Variants in KCTD1 observed in about 807,000 individuals in gnomAD.
The protein encoded by KCTD1 is BTB/POZ domain-containing protein KCTD1.
Under a neutral mutation model 66.0 loss-of-function variants are expected in KCTD1, and 24 were observed. The ratio of observed to expected loss-of-function variants is 0.36; its 90% CI spans 0.26 to 0.51. The LOEUF (loss-of-function observed/expected upper bound fraction) is 0.51. Among genes scored for constraint, KCTD1 ranks in the 20% least tolerant of loss-of-function variants. The pLI, the probability that KCTD1 is intolerant of heterozygous loss-of-function variation, is 0.95. For synonymous variants in KCTD1, 511 were observed against 517.2 expected (o/e 0.99, Z 0.16); for missense variants, 943 against 1,205.2 (o/e 0.78, Z 3.22).
At chr18:26,593,307 A>AAGGAAGAGGAGG (rs1568003445) in intron 1 of KCTD1, among the ~76,000 whole-genome samples, 1,536 of 89,326 alleles carry the variant, frequency 0.017, 45 homozygotes, top group African/African-American at 0.05. Flanking sequence ...ATATGAGGAG[A>AAGGAAGAGGAGG]AGGAAGAGGA....
At chr18:26,515,964 A>G (rs1368274823) in intron 1 of KCTD1, among the ~76,000 whole-genome samples, 1 of 152,202 alleles carries the variant, frequency 6.6e-6, no homozygotes, top group South Asian at 2.1e-4. Context: ...GACACAGTAT[A>G]TAATGCCAAG....
chr18:26,567,164 C>T (rs1475271108), intron 1 of KCTD1: 1 of 152,238 alleles, frequency 6.6e-6, no homozygotes, highest in Non-Finnish European at 1.5e-5. Context: ...CCATCAATTA[C>T]ATTTTAAAGA....
At position 26,476,829 on chromosome 18, in the gene KCTD1, G is replaced by A. The variant is rs903112122; in HGVS notation, c.1989-170C>T. ...CCCCGCTTGATAAATATCTCAGGAC[G>A]AGACCATTCAAAATAGTCCTAGGCT... On this transcript the variant is annotated intron_variant, in intron 2 of 4. Coordinates refer to ENST00000580059, the MANE Select transcript of KCTD1 (RefSeq NM_001142730.3). This position sits in a 1 kb window ranked among gnomAD's most constrained non-coding sequence, Gnocchi z 4.9. The A allele has an allele frequency of 2.7e-5, 16 of 597,458 alleles. No homozygotes were observed. Among genetic ancestry groups the A allele is most frequent in the Non-Finnish European group, 4.4e-5 (15 of 343,766 alleles). 37.0% of individuals were successfully genotyped at this position (597,458 alleles called of 1,614,324 possible).
intron 1 of KCTD1, among the ~76,000 whole-genome samples, chr18:26,512,855 C>G (rs922303781): frequency 6.6e-6 from 1 of 152,010 alleles, no homozygotes; most frequent in Non-Finnish European, 1.5e-5. Context: ...GTGGTGCATG[C>G]CTGTAGTCCC....
chr18:26,592,557 A>T (rs1189748473), intron 1 of KCTD1, among the ~76,000 whole-genome samples: 1 of 152,094 alleles, frequency 6.6e-6, no homozygotes, highest in Non-Finnish European at 1.5e-5. Flanking sequence ...CGCCTAGTAA[A>T]CCATCACAGT....
At chr18:26,609,647 T>A (rs1598965250) in intron 1 of KCTD1, among the ~76,000 whole-genome samples, 1 of 152,338 alleles carries the variant, frequency 6.6e-6, no homozygotes, top group East Asian at 1.9e-4. Flanking sequence ...TAAAAGCGGG[T>A]AGTTCAGATT....
chr18:26,515,400 G>A (rs780085938), intron 1 of KCTD1, among the ~76,000 whole-genome samples: 3 of 152,090 alleles, frequency 2.0e-5, no homozygotes, highest in African/African-American at 4.8e-5. Flanking sequence ...AAAGTTAGAA[G>A]CAAAATATTC....
In KCTD1 at chr18:26,468,879, C is replaced by T. The variant is rs1490137189; in HGVS notation, c.2133+7636G>A. On this transcript the variant is annotated intron_variant, in intron 3 of 4. Transcript: ENST00000580059. This position sits in a 1 kb window ranked among gnomAD's most constrained non-coding sequence, Gnocchi z 4.8. ...CCAAAAAACCCCAAAAGCCATGTCC[C>T]TCCCAGGTTCAAGAGAAAACTCTGA... is the stretch of plus-strand genomic sequence containing the variant. 6.6e-6 allele frequency among the ~76,000 whole-genome samples: 1 copy of T among 152,166 alleles called. No individual in the cohort carries two copies. Among genetic ancestry groups the T allele is most frequent in the Non-Finnish European group, 1.5e-5 (1 of 68,030 alleles).
At position 26,582,504 on chromosome 18, in the gene KCTD1, T is replaced by C. The variant is rs117972108; in HGVS notation, c.-16+46643A>G. On this transcript the variant is annotated intron_variant, in intron 1 of 4. Transcript: ENST00000317932. Reference sequence around the variant, plus strand: ...CAGTTTGACAATATGTAACCACAATTTAAAGTGCATATACCCTTTGATCTA... The same window carrying C: ...CAGTTTGACAATATGTAACCACAATCTAAAGTGCATATACCCTTTGATCTA... 5.5e-4 allele frequency among the ~76,000 whole-genome samples: 84 copies of C among 152,360 alleles called. No homozygotes were observed. In the East Asian group the frequency reaches 0.016, roughly 29 times the overall value.
At chr18:26,651,916 G>GTGGGTGCAGAACAAGA (rs1568021499) in intron 1 of KCTD1, among the ~76,000 whole-genome samples, 5 of 152,148 alleles carry the variant, frequency 3.3e-5, no homozygotes, top group African/African-American at 9.7e-5. Context: ...GTTACCTAGG[G>GTGGGTGCAGAACAAGA]TGGGTGCAGA....
At chr18:26,647,215 A>T (rs1444017127) in intron 1 of KCTD1, among the ~76,000 whole-genome samples, 4 of 152,098 alleles carry the variant, frequency 2.6e-5, no homozygotes, top group Non-Finnish European at 5.9e-5. Flanking sequence ...GCCACTAAAA[A>T]AGACTGAATT....
chr18:26,547,113 G>A lies in KCTD1; in HGVS notation c.1424C>T (p.Ala475Val). The A allele has an allele frequency of 6.5e-7, 1 of 1,549,510 alleles. No homozygotes were observed. The highest frequency in any genetic ancestry group is 8.7e-7 in the Non-Finnish European group (1 of 1,146,832). ...AGIGTKLGSP[A>V]PQGCYAEALN... ...AGCCTCGGCGTAGCAGCCCTGCGGG[G>A]CGGGCGAGCCCAGCTTGGTGCCAAT... The change falls in exon 1 of 5, where the codon GCC becomes GTC. Residue 475 changes from alanine to valine, a missense_variant. Transcript: ENST00000580059.
intron 1 of KCTD1, among the ~76,000 whole-genome samples, chr18:26,503,705 G>A (rs1982886413): frequency 6.6e-6 from 1 of 152,190 alleles, no homozygotes; most frequent in African/African-American, 2.4e-5. Context: ...TGCCAGGTCT[G>A]TACAGAAAGA....
intron 3 of KCTD1, among the ~76,000 whole-genome samples, chr18:26,470,794 T>G (rs1981016607): frequency 6.6e-6 from 1 of 151,512 alleles, no homozygotes; most frequent in South Asian, 2.1e-4. Flanking sequence ...CCCAGGTAGG[T>G]TTGCTGGGGG....
At chr18:26,556,554 G>A (rs1471574659) in intron 1 of KCTD1, among the ~76,000 whole-genome samples, 1 of 152,244 alleles carries the variant, frequency 6.6e-6, no homozygotes, top group African/African-American at 2.4e-5. Context: ...TATAAAAGCA[G>A]TGTGTGTTCA....
chr18:26,507,945 G>A (rs1171895453), intron 1 of KCTD1, among the ~76,000 whole-genome samples: 1 of 151,986 alleles, frequency 6.6e-6, no homozygotes, highest in East Asian at 1.9e-4. Context: ...GCACATGGAA[G>A]ATTCATTCAC....
intron 1 of KCTD1, among the ~76,000 whole-genome samples, chr18:26,597,766 G>A (rs1346481202): frequency 1.3e-5 from 2 of 150,370 alleles, no homozygotes; most frequent in Admixed American, 6.7e-5. Flanking sequence ...CAATTCTCCT[G>A]CCTCAGCCTC....
In KCTD1 at chr18:26,528,536, C is replaced by T. The variant is rs906231257; in HGVS notation, c.1809+18192G>A. Among the ~76,000 whole-genome samples the T allele has an allele frequency of 2.6e-5, 4 of 152,328 alleles. No homozygotes were observed. In the East Asian group the frequency reaches 7.7e-4, roughly 29 times the overall value. ...ACGTACGGGATCCACCTATCATCTC[C>T]TCTAGAGCCCTGCCTTCCTCCAGCT... On this transcript the variant is annotated intron_variant, in intron 1 of 4. Transcript: ENST00000580059.
At chr18:26,655,971 A>C (rs1988125955) in intron 1 of KCTD1, 1 of 151,936 alleles carries the variant, frequency 6.6e-6, no homozygotes, top group South Asian at 2.1e-4. Context: ...TTTTCCAGCC[A>C]GGTCCCTCTT....
Sources: gnomAD v4.1 joint callset for allele counts (sites outside exome capture counted in the v4.1 genomes callset) on GRCh38, gnomAD v4.1.1 for gene constraint, Gnocchi (gnomAD v3.1) non-coding constraint, MANE v1.5 for transcripts, NCBI Gene and HGNC (gene_info 2026-07-23, HGNC 2026-07-21) for gene names.